Variants in EZH2 observed in about 807,000 individuals in gnomAD.
The protein encoded by EZH2 is histone-lysine N-methyltransferase EZH2.
In EZH2, 18 loss-of-function variants were observed where a neutral mutation model predicts 98.4. The observed-to-expected ratio is 0.18, with a 90% CI of 0.13 to 0.27. The LOEUF is 0.27. EZH2 is among the 10% of genes least tolerant of loss of function. The probability of loss-of-function intolerance (pLI) is 1.00; values close to 1 mark genes in which losing one functional copy is unlikely to be tolerated. For synonymous variants in EZH2, 338 were observed against 312.3 expected (o/e 1.08, Z -0.87); for missense variants, 470 against 935.1 (o/e 0.50, Z 6.49).
intron 3 of EZH2, among the ~76,000 whole-genome samples, chr7:148,835,436 A>T (rs192990056): frequency 6.6e-6 from 1 of 152,086 alleles, no homozygotes; most frequent in East Asian, 1.9e-4. Context: ...AAAAAAAAAA[A>T]AAAAGAAAAT....
At chr7:148,847,580 GTATAC>G (rs1814478927) in intron 1 of EZH2, among the ~76,000 whole-genome samples, 1 of 152,162 alleles carries the variant, frequency 6.6e-6, no homozygotes, top group Non-Finnish European at 1.5e-5. Flanking sequence ...CAGGAATTAG[GTATAC>G]TATACTATAT....
At chr7:148,873,693 G>A (rs1201963104) in intron 1 of EZH2, among the ~76,000 whole-genome samples, 2 of 151,550 alleles carry the variant, frequency 1.3e-5, no homozygotes, top group Non-Finnish European at 2.9e-5. Context: ...ACTGGGTGAG[G>A]ATGGTACTTA....
At chr7:148,845,105 T>C (rs770616238) in intron 3 of EZH2, among the ~76,000 whole-genome samples, 11 of 152,218 alleles carry the variant, frequency 7.2e-5, no homozygotes, top group Non-Finnish European at 1.6e-4. Context: ...ATTCTGAGAT[T>C]CATAATGGGT....
At chr7:148,831,253 A>G (rs138099144) in intron 4 of EZH2, among the ~76,000 whole-genome samples, 64 of 152,338 alleles carry the variant, frequency 4.2e-4, no homozygotes, top group Non-Finnish European at 8.4e-4. Flanking sequence ...AGGAGCATAT[A>G]ATTAAAATGC....
chr7:148,813,971 C>T lies in EZH2; in HGVS notation c.1839G>A (p.Arg613=). Residue 613 remains arginine (R), a synonymous_variant, in exon 15 of 20, where the codon CGG becomes CGA. Coordinates refer to ENST00000320356, the MANE Select transcript of EZH2 (RefSeq NM_004456.5). ...ACTTGTTGCTCACCTTTTTGGAGCC[C>T]CGCTGAATACTGCAGTTCTTGCAGG... ...NVSCKNCSIQ[R]GSKKHLLLAP... The T allele has an allele frequency of 6.2e-7, 1 of 1,612,626 alleles. No individual in the cohort carries two copies. Among genetic ancestry groups the T allele is most frequent in the Non-Finnish European group, 8.5e-7 (1 of 1,179,562 alleles).
At position 148,809,201 on chromosome 7, in the gene EZH2, G is replaced by A. The variant is rs183943237; in HGVS notation, c.2111-46C>T. 4.5e-3 allele frequency: 7,112 copies of A among 1,590,950 alleles called. 21 individuals are homozygous for A. Among genetic ancestry groups the A allele is most frequent in the Non-Finnish European group, 5.6e-3 (6,460 of 1,158,882 alleles). ...GTCAGTGAGCATGAAGACGGGCCAC[G>A]GGGGGTTAACTGACTTGTTCACATA... On this transcript the variant is annotated intron_variant, in intron 18 of 19. Transcript: ENST00000320356.
intron 1 of EZH2, among the ~76,000 whole-genome samples, chr7:148,869,338 C>CTTTTT (rs143589780): frequency 5.0e-4 from 40 of 80,316 alleles, no homozygotes; most frequent in African/African-American, 1.7e-3. Context: ...CAGCAATAGC[C>CTTTTT]TTTTTTTTTT....
intron 1 of EZH2, among the ~76,000 whole-genome samples, chr7:148,861,803 TAA>T (rs10628711): frequency 7.0e-5 from 10 of 143,498 alleles, no homozygotes; most frequent in East Asian, 2.0e-4. Flanking sequence ...TTCTTTTATT[TAA>T]AAAAAAAAAA....
In EZH2 at chr7:148,827,204, T is replaced by G. The variant is rs779951996; in HGVS notation, c.688A>C (p.Met230Leu). Reference protein sequence around the residue: ...SDKIFEAISSMFPDKGTAEEL... With the variant: ...SDKIFEAISSLFPDKGTAEEL... Reference sequence around the variant, plus strand: ...TCTGCTGTGCCCTTATCTGGAAACATTGAGGAAATGGCTTCAAAAATTTTA... The same window carrying G: ...TCTGCTGTGCCCTTATCTGGAAACAGTGAGGAAATGGCTTCAAAAATTTTA... Residue 230 changes from methionine (M) to leucine (L), a missense_variant, in exon 7 of 20, where the codon ATG (methionine) becomes CTG (leucine). Physicochemically the swap from Met to Leu is conservative, Grantham distance 15. Coordinates refer to ENST00000320356, the MANE Select transcript of EZH2 (RefSeq NM_004456.5). 6.2e-7 allele frequency: 1 copy of G among 1,613,874 alleles called. No individual in the cohort carries two copies. Among genetic ancestry groups the G allele is most frequent in the South Asian group, 1.1e-5 (1 of 91,032 alleles).
At chr7:148,877,934 T>G (rs1003826731) in intron 1 of EZH2, among the ~76,000 whole-genome samples, 7 of 152,282 alleles carry the variant, frequency 4.6e-5, no homozygotes, top group Non-Finnish European at 7.4e-5. Flanking sequence ...GAAACAGAAC[T>G]AAGTTTGGAT....
At chr7:148,816,850 A>G (rs924849866) in intron 11 of EZH2, 72 bp from the exon 12 acceptor site, 1 of 1,085,412 alleles carries the variant, frequency 9.2e-7, no homozygotes, top group Non-Finnish European at 1.4e-6. Context: ...ACTCATGCAT[A>G]CCAGAAAAAT....
At position 148,821,779 on chromosome 7, in the gene EZH2, T is replaced by C. The variant is rs748428187; in HGVS notation, c.908-2092A>G. ...AAGTCAAGGTTGCAGTGAGCCATGA[T>C]TGTGCCACTGCACCACTCTGGCCTG... On this transcript the variant is annotated intron_variant, in intron 8 of 19. Transcript: ENST00000320356. Among the ~76,000 whole-genome samples, 4 of 152,230 alleles carry C rather than the reference T, an allele frequency of 2.6e-5. No homozygotes were observed. In the South Asian group the frequency reaches 8.3e-4, roughly 31 times the overall value.
At chr7:148,854,517 T>C (rs1180613406) in intron 1 of EZH2, among the ~76,000 whole-genome samples, 3 of 152,156 alleles carry the variant, frequency 2.0e-5, no homozygotes, top group Admixed American at 6.5e-5. Flanking sequence ...CAAATAAATG[T>C]TTCTGTTTCT....
At chr7:148,833,185 G>A (rs562402131) in intron 3 of EZH2, among the ~76,000 whole-genome samples, 5 of 152,128 alleles carry the variant, frequency 3.3e-5, no homozygotes, top group African/African-American at 4.8e-5. Context: ...TGGGCCGGGC[G>A]CGGTGGCTCA....
At chr7:148,871,403 T>TAAAAAAAAAAAAA (rs71529646) in intron 1 of EZH2, among the ~76,000 whole-genome samples, 1 of 88,752 alleles carries the variant, frequency 1.1e-5, no homozygotes, top group Non-Finnish European at 2.2e-5. Flanking sequence ...GACGAATAAT[T>TAAAAAAAAAAAAA]AAAAAAAAAA....
intron 3 of EZH2, among the ~76,000 whole-genome samples, chr7:148,841,680 T>C (rs943598848): frequency 6.6e-6 from 1 of 152,222 alleles, no homozygotes; most frequent in African/African-American, 2.4e-5. Context: ...CACTAAATTA[T>C]ACATGAAATA....
At chr7:148,872,901 A>C (rs1819619891) in intron 1 of EZH2, among the ~76,000 whole-genome samples, 1 of 152,166 alleles carries the variant, frequency 6.6e-6, no homozygotes, top group African/African-American at 2.4e-5. Flanking sequence ...AGCCCATATA[A>C]ATGCAGCTGA....
intron 15 of EZH2, chr7:148,811,962 T>G (rs924171188): frequency 6.4e-6 from 3 of 466,002 alleles, no homozygotes; most frequent in Non-Finnish European, 1.2e-5. Flanking sequence ...TTTGGTGGTG[T>G]TGGTCCTCTG....
Position 148,809,117 on chromosome 7 carries a change from C to T in EZH2, c.2149G>A (p.Ala717Thr). Reference protein sequence around the residue: ...VNGDHRIGIFAKRAIQTGEEL... With the variant: ...VNGDHRIGIFTKRAIQTGEEL... The stretch of plus-strand genomic sequence containing the variant: ...TCGCCAGTCTGGATGGCTCTCTTGG[C>T]AAAAATACCTATCCTGTGATCACCG... The change falls in exon 19 of 20, where the codon GCC becomes ACC. Residue 717 changes from alanine (A) to threonine (T), a missense_variant. Transcript: ENST00000320356. 6.2e-7 allele frequency: 1 copy of T among 1,614,160 alleles called. No individual in the cohort carries two copies. Among genetic ancestry groups the T allele is most frequent in the Non-Finnish European group, 8.5e-7 (1 of 1,180,032 alleles).
Sources: gnomAD v4.1 joint callset for allele counts (sites outside exome capture counted in the v4.1 genomes callset) on GRCh38, gnomAD v4.1.1 for gene constraint, MANE v1.5 for transcripts, NCBI Gene and HGNC (gene_info 2026-07-23, HGNC 2026-07-21) for gene names.